Variants in CERS4 observed in about 807,000 individuals in gnomAD.
CERS4 encodes ceramide synthase 4.
Under a neutral mutation model 51.8 loss-of-function variants are expected in CERS4, and 65 were observed. That is an observed-to-expected ratio of 1.26 (90% CI 1.03 to 1.54). CERS4 has a LOEUF of 1.54. Ranked by LOEUF, CERS4 falls within the 40% of genes most tolerant of loss-of-function variation. CERS4 has a pLI of 0.00. For missense variants in CERS4, 563 were observed against 500.4 expected (o/e 1.13, Z -1.19); for synonymous variants, 228 against 208.4 (o/e 1.09, Z -0.81).
At chr19:8,254,878 C>G (rs1010997099) in intron 4 of CERS4, among the ~76,000 whole-genome samples, 1 of 151,982 alleles carries the variant, frequency 6.6e-6, no homozygotes, top group East Asian at 1.9e-4. Flanking sequence ...GATGAGGACC[C>G]CCCCCTTCCC....
chr19:8,228,766 G>A (rs1485585517), intron 2 of CERS4, among the ~76,000 whole-genome samples: 3 of 150,502 alleles, frequency 2.0e-5, no homozygotes, highest in Non-Finnish European at 3.0e-5. Context: ...GCTCATGCCT[G>A]TAATCCCAGC....
intron 2 of CERS4, among the ~76,000 whole-genome samples, chr19:8,242,481 C>G (rs1968579417): frequency 6.6e-6 from 1 of 152,132 alleles, no homozygotes; most frequent in Non-Finnish European, 1.5e-5. Context: ...CCTTCTCCAA[C>G]CCTCCCTGCA....
chr19:8,248,926 GAGTGGATA>G (rs1968919701), intron 2 of CERS4, among the ~76,000 whole-genome samples: 1 of 151,234 alleles, frequency 6.6e-6, no homozygotes, highest in Non-Finnish European at 1.5e-5. Context: ...GTAGATGGAT[GAGTGGATA>G]GGTGGATGAT....
chr19:8,254,625 C>T lies in CERS4; in HGVS notation c.291+9C>T, dbSNP rs771369252. 26 of 1,599,112 alleles carry T rather than the reference C, an allele frequency of 1.6e-5. No individual in the cohort carries two copies. The highest frequency in any genetic ancestry group is 2.1e-5 in the Non-Finnish European group (25 of 1,173,350). On this transcript the variant is annotated intron_variant, in intron 4 of 11. Coordinates refer to ENST00000251363, the MANE Select transcript of CERS4 (RefSeq NM_024552.3). The stretch of plus-strand genomic sequence containing the variant: ...GGCACAGGCCCAAGGAGGTGAGAGC[C>T]CCCCATGCCCTCCGACCCGCACTAC...
rs145687349 is a variant in CERS4 at position 8,254,574 on chromosome 19, G to A, written c.249G>A (p.Thr83=). 1.1e-4 allele frequency: 179 copies of A among 1,613,080 alleles called. No individual in the cohort carries two copies. The African/African-American group carries it at 2.0e-3, about 18-fold the overall frequency. Residue 83 remains threonine (T), a synonymous_variant, in exon 4 of 12, where the codon ACG becomes ACA. Transcript: ENST00000251363. ...GGAGGCAAGTGAAGCCCAACGCCAC[G>A]CTGGAGAAACACTTCCTCACGGAAG... ...QTRRQVKPNA[T]LEKHFLTEGH...
chr19:8,260,281 G>A (rs569045866), intron 10 of CERS4, among the ~76,000 whole-genome samples: 5 of 149,134 alleles, frequency 3.4e-5, no homozygotes, highest in South Asian at 4.2e-4. Context: ...CACAACCTCC[G>A]CCTCCCGGGT....
intron 2 of CERS4, among the ~76,000 whole-genome samples, chr19:8,225,934 G>A (rs548238583): frequency 1.3e-5 from 2 of 151,956 alleles, no homozygotes; most frequent in East Asian, 1.9e-4. Context: ...GGTGACTCAC[G>A]CCTGTAATTC....
intron 2 of CERS4, among the ~76,000 whole-genome samples, chr19:8,224,104 T>TA (rs746066578): frequency 0.11 from 7,030 of 65,382 alleles, 470 homozygotes; most frequent in African/African-American, 0.23. Context: ...ACTCCGTCTT[T>TA]AAAAAAAAAA....
At chr19:8,223,793 A>G (rs182514169) in intron 2 of CERS4, among the ~76,000 whole-genome samples, 2 of 151,868 alleles carry the variant, frequency 1.3e-5, no homozygotes, top group African/African-American at 4.8e-5. Flanking sequence ...CTCAAAAACA[A>G]AAACACAAAA....
chr19:8,246,705 G>A (rs937746547), intron 2 of CERS4, among the ~76,000 whole-genome samples: 5 of 152,010 alleles, frequency 3.3e-5, no homozygotes, highest in Non-Finnish European at 5.9e-5. Context: ...AATGCATCGG[G>A]AACAAGCAGA....
chr19:8,248,286 T>C (rs1044093953), intron 2 of CERS4, among the ~76,000 whole-genome samples: 1 of 152,206 alleles, frequency 6.6e-6, no homozygotes, highest in Non-Finnish European at 1.5e-5. Context: ...ACAAGTCAAT[T>C]GGAGAATATC....
At chr19:8,218,619 T>A (rs946432597) in intron 2 of CERS4, among the ~76,000 whole-genome samples, 1 of 151,894 alleles carries the variant, frequency 6.6e-6, no homozygotes. Flanking sequence ...TCCGAGGAGA[T>A]CTTGAGATGG....
chr19:8,255,767 C>CGGGGT (rs774780395), intron 5 of CERS4, 42 bp downstream of exon 5: 6 of 874,498 alleles, frequency 6.9e-6, no homozygotes, highest in South Asian at 2.7e-5. Flanking sequence ...GGAAGCGGGC[C>CGGGGT]GGGGTGGGGC....
At chr19:8,252,368 C>T (rs1191873091) in intron 3 of CERS4, among the ~76,000 whole-genome samples, 2 of 4,346 alleles carry the variant, frequency 4.6e-4, no homozygotes, top group Non-Finnish European at 1.6e-3. Flanking sequence ...AAAACTCCAT[C>T]TAAAAAAAAA....
At chr19:8,227,117 A>G (rs550245103) in intron 2 of CERS4, among the ~76,000 whole-genome samples, 74 of 152,158 alleles carry the variant, frequency 4.9e-4, no homozygotes, top group African/African-American at 1.5e-3. Context: ...AACAAGAGCG[A>G]AACTGTCTCA....
chr19:8,254,696 G>C (rs1468435816), intron 4 of CERS4, 80 bp downstream of exon 4: 28 of 1,335,188 alleles, frequency 2.1e-5, no homozygotes, highest in Non-Finnish European at 2.6e-5. Context: ...CCATTTGTTG[G>C]GGCAGGAGAA....
At chr19:8,239,007 G>A (rs917293818) in intron 2 of CERS4, among the ~76,000 whole-genome samples, 10 of 151,980 alleles carry the variant, frequency 6.6e-5, no homozygotes, top group East Asian at 3.9e-4. Context: ...AGGCTGAGGC[G>A]GGAGGATCAC....
intron 4 of CERS4, 118 bp downstream of exon 4, chr19:8,254,734 ATGCCCC>A: frequency 2.5e-6 from 2 of 815,350 alleles, no homozygotes; most frequent in Non-Finnish European, 4.0e-6. Context: ...CACCCCTGCA[ATGCCCC>A]TACTTTCCAC....
At chr19:8,223,154 GGAAACCCT>G (rs1967633051) in intron 2 of CERS4, among the ~76,000 whole-genome samples, 1 of 150,068 alleles carries the variant, frequency 6.7e-6, no homozygotes, top group Admixed American at 6.7e-5. Flanking sequence ...GGCAACATAG[GGAAACCCT>G]GTCTCTGCCA....
Sources: gnomAD v4.1 joint callset for allele counts (sites outside exome capture counted in the v4.1 genomes callset) on GRCh38, gnomAD v4.1.1 for gene constraint, MANE v1.5 for transcripts, NCBI Gene and HGNC (gene_info 2026-07-23, HGNC 2026-07-21) for gene names.